Variants in IFIT1 observed in about 807,000 individuals in gnomAD.
IFIT1 encodes antiviral innate immune response effector IFIT1.
Under a neutral mutation model 2.5 loss-of-function variants are expected in IFIT1, and 1 was observed. That is an observed-to-expected ratio of 0.40 (90% CI 0.14 to 1.92). The LOEUF (loss-of-function observed/expected upper bound fraction) is 1.92, where lower values mean the gene tolerates loss of function less well. IFIT1 is among the 40% of genes most tolerant of loss of function. The pLI is 0.31. For missense variants in IFIT1, 508 were observed against 557.8 expected, an observed-to-expected ratio of 0.91 and a Z score of 0.90; for synonymous variants, 191 against 201.7, an observed-to-expected ratio of 0.95 and a Z score of 0.45.
In IFIT1 at chr10:89,402,298, A is replaced by G. The variant is rs1162893593; in HGVS notation, c.23A>G (p.His8Arg). Reference sequence around the variant, plus strand: ...TTTTACAGTACAAATGGTGATGATCATCAGGTCAAGGATAGTCTGGAGCAA... The same window carrying G: ...TTTTACAGTACAAATGGTGATGATCGTCAGGTCAAGGATAGTCTGGAGCAA... MSTNGDDHQVKDSLEQLR... is the reference protein window; with the variant it reads MSTNGDDRQVKDSLEQLR... Residue 8 changes from histidine to arginine, a missense_variant, in exon 2 of 2, where the codon CAT (histidine) becomes CGT (arginine). Physicochemically the swap from His to Arg is conservative, Grantham distance 29. Coordinates refer to ENST00000371804, the MANE Select transcript of IFIT1 (RefSeq NM_001548.5). 1 of 1,609,930 alleles carries G rather than the reference A, an allele frequency of 6.2e-7. No individual in the cohort carries two copies. The highest frequency in any genetic ancestry group is 1.7e-5 in the Admixed American group (1 of 59,350).
chr10:89,401,602 TG>T (rs1041255767), intron 1 of IFIT1, among the ~76,000 whole-genome samples: 4 of 151,982 alleles, frequency 2.6e-5, no homozygotes, highest in African/African-American at 9.7e-5. Context: ...TAGGCTTACG[TG>T]AAAAAAATGA....
rs529630938 is a variant in IFIT1 at position 89,405,886 on chromosome 10, T to C, written c.*2174T>C. On this transcript the variant is annotated 3_prime_UTR_variant, in exon 2 of 2. Coordinates refer to ENST00000371804, the MANE Select transcript of IFIT1 (RefSeq NM_001548.5). ...CAGGTTCTGGAGACTTGGCCATGGA[T>C]ACGATTGCGGGGGGGGCATTATTCT... 6.6e-6 allele frequency: 1 copy of C among 152,014 alleles called. No individual in the cohort carries two copies. Among genetic ancestry groups the C allele is most frequent in the South Asian group, 2.1e-4 (1 of 4,826 alleles). 9.4% of individuals were successfully genotyped at this position (152,014 alleles called of 1,614,324 possible). A position where few individuals can be genotyped will look rare whatever the true frequency, so the allele number is the denominator to read the frequency against.
At position 89,402,930 on chromosome 10, in the gene IFIT1, A is replaced by G. The variant is rs566629851; in HGVS notation, c.655A>G (p.Ile219Val). The stretch of plus-strand genomic sequence containing the variant: ...CCGCTTAAATCCAGACAATGGATAT[A>G]TTAAGGTTCTCCTTGCCCTGAAGCT... ...AVRLNPDNGY[I>V]KVLLALKLQD... The change falls in exon 2 of 2, where the codon ATT becomes GTT. Residue 219 changes from isoleucine to valine, a missense_variant. Transcript: ENST00000371804. 1.4e-5 allele frequency: 23 copies of G among 1,614,202 alleles called. No individual in the cohort carries two copies. The highest frequency in any genetic ancestry group is 5.3e-5 in the African/African-American group (4 of 75,058).
At chr10:89,393,520 G>A (rs1008337936) in intron 1 of IFIT1, among the ~76,000 whole-genome samples, 2 of 152,220 alleles carry the variant, frequency 1.3e-5, no homozygotes, top group African/African-American at 4.8e-5. Context: ...ATCGCCTGAG[G>A]TCAGGAGTTG....
At chr10:89,393,405 G>C in intron 1 of IFIT1, 1 of 803,064 alleles carries the variant, frequency 1.2e-6, no homozygotes, top group South Asian at 1.8e-5. Context: ...CTTACCTAAA[G>C]GGCCTAATGT....
Position 89,394,577 on chromosome 10 carries a change from AATATATATATATAT to A in IFIT1, c.5+1898_5+1911del, listed in dbSNP as rs200060906. Among the ~76,000 whole-genome samples, 320 of 108,732 alleles carry A rather than the reference AATATATATATATAT, an allele frequency of 2.9e-3. 2 individuals are homozygous for A. The highest frequency in any genetic ancestry group is 4.1e-3 in the Non-Finnish European group (228 of 55,668). 71.3% of individuals were successfully genotyped at this position (108,732 alleles called of 152,430 possible). A position where few individuals can be genotyped will look rare whatever the true frequency, so the allele number is the denominator to read the frequency against. ...TTTATGTCAATATGTACTACAGGAA[AATATATATATATAT>A]ATATATATATATATATATATATATA... On this transcript the variant is annotated intron_variant, in intron 1 of 1. Coordinates refer to ENST00000371804, the MANE Select transcript of IFIT1 (RefSeq NM_001548.5).
At chr10:89,394,584 A>ATATATATATATATATTT (rs1844307437) in intron 1 of IFIT1, among the ~76,000 whole-genome samples, 1 of 17,778 alleles carries the variant, frequency 5.6e-5, no homozygotes, top group African/African-American at 3.2e-4. Flanking sequence ...GAAAATATAT[A>ATATATATATATATATTT]TATATATATA....
At chr10:89,393,334 G>C in intron 1 of IFIT1, 10 of 1,278,890 alleles carry the variant, frequency 7.8e-6, no homozygotes, top group Non-Finnish European at 1.0e-5. Context: ...GGAAAATCTA[G>C]GCTCTTGGTA....
rs1844483533 is a variant in IFIT1, at chr10:89,403,799, CATT to C, written c.*90_*92del. The C allele has an allele frequency of 4.2e-6, 3 of 722,298 alleles. No homozygotes were observed. The highest frequency in any genetic ancestry group is 6.8e-6 in the Non-Finnish European group (3 of 439,684). The allele number at this position is 722,298 out of a possible 1,614,324, so 44.7% of individuals were successfully genotyped here. A position where few individuals can be genotyped will look rare whatever the true frequency, so the allele number is the denominator to read the frequency against. On this transcript the variant is annotated 3_prime_UTR_variant, in exon 2 of 2. Coordinates refer to ENST00000371804, the MANE Select transcript of IFIT1 (RefSeq NM_001548.5). ...CTTTTCTGCTTACTGTTTTCAGAAACATTATAATTCACTGTAATGATGTAATTC... is the reference window on the plus strand; with the variant it reads ...CTTTTCTGCTTACTGTTTTCAGAAACATAATTCACTGTAATGATGTAATTC...
In IFIT1 at chr10:89,402,308, G is replaced by C; in HGVS notation, c.33G>C (p.Lys11Asn). The change falls in exon 2 of 2, where the codon AAG becomes AAC. Residue 11 changes from lysine (K) to asparagine (N), a missense_variant. By Grantham distance (94) the Lys-to-Asn change is moderately conservative. Coordinates refer to ENST00000371804, the MANE Select transcript of IFIT1 (RefSeq NM_001548.5). Reference sequence around the variant, plus strand: ...CAAATGGTGATGATCATCAGGTCAAGGATAGTCTGGAGCAATTGAGATGTC... The same window carrying C: ...CAAATGGTGATGATCATCAGGTCAACGATAGTCTGGAGCAATTGAGATGTC... MSTNGDDHQV[K>N]DSLEQLRCHF... 4 of 1,613,216 alleles carry C rather than the reference G, an allele frequency of 2.5e-6. No individual in the cohort carries two copies. Among genetic ancestry groups the C allele is most frequent in the Non-Finnish European group, 3.4e-6 (4 of 1,179,388 alleles).
chr10:89,405,969 C>A lies in IFIT1; in HGVS notation c.*2257C>A, dbSNP rs1305399306. The A allele has an allele frequency of 6.6e-6, 1 of 152,118 alleles. No individual in the cohort carries two copies. Among genetic ancestry groups the A allele is most frequent in the Non-Finnish European group, 1.5e-5 (1 of 68,014 alleles). 9.4% of individuals were successfully genotyped at this position (152,118 alleles called of 1,614,324 possible). ...TTTGGGCTTCCAATCCATTTTGCTTCAATTATTTAATATTTTTACTCCTTC... is the reference window on the plus strand; with the variant it reads ...TTTGGGCTTCCAATCCATTTTGCTTAAATTATTTAATATTTTTACTCCTTC... On this transcript the variant is annotated 3_prime_UTR_variant, in exon 2 of 2. Coordinates refer to ENST00000371804, the MANE Select transcript of IFIT1 (RefSeq NM_001548.5).
Position 89,406,046 on chromosome 10 carries a change from T to C in IFIT1, c.*2334T>C, listed in dbSNP as rs1844525762. The C allele has an allele frequency of 6.6e-6, 1 of 152,258 alleles. No homozygotes were observed. Among genetic ancestry groups the C allele is most frequent in the African/African-American group, 2.4e-5 (1 of 41,460 alleles). The allele number at this position is 152,258 out of a possible 1,614,324, so 9.4% of individuals were successfully genotyped here. On this transcript the variant is annotated 3_prime_UTR_variant, in exon 2 of 2. Transcript: ENST00000371804. ...CCTTAAGAAGGTAGGACAGAGATTA[T>C]GGCACATCTCACATTAAATGCTATA...
Position 89,403,601 on chromosome 10 carries a change from CCTT to C in IFIT1, c.1327_1329del (p.Leu443del). ...CATTAGATCTGGAAAGCTTGAGCCT[CCTT>C]GGGTTCGTCTACAAATTGGAAGGAA... On this transcript the variant is annotated inframe_deletion, in exon 2 of 2. Transcript: ENST00000371804. The C allele has an allele frequency of 6.2e-7, 1 of 1,614,038 alleles. No homozygotes were observed. Among genetic ancestry groups the C allele is most frequent in the African/African-American group, 1.3e-5 (1 of 75,034 alleles).
At chr10:89,396,888 G>T (rs1166224148) in intron 1 of IFIT1, among the ~76,000 whole-genome samples, 1 of 152,126 alleles carries the variant, frequency 6.6e-6, no homozygotes. Flanking sequence ...TTGGAGAATT[G>T]TCTACTCAAG....
At position 89,403,448 on chromosome 10, in the gene IFIT1, A is replaced by G. The variant is rs567346992; in HGVS notation, c.1173A>G (p.Gln391=). 5 of 1,613,882 alleles carry G rather than the reference A, an allele frequency of 3.1e-6. No homozygotes were observed. The African/African-American group carries it at 4.0e-5, about 13-fold the overall frequency. Residue 391 remains glutamine (Q), a synonymous_variant, in exon 2 of 2, where the codon CAA becomes CAG. Coordinates refer to ENST00000371804, the MANE Select transcript of IFIT1 (RefSeq NM_001548.5). ...HFHYGRFQEF[Q]KKSDVNAIIH... is the part of the protein sequence containing the mutation. ...ACTATGGTCGGTTTCAGGAATTTCAAAAGAAATCTGACGTCAATGCAATTA... is the reference window on the plus strand; with the variant it reads ...ACTATGGTCGGTTTCAGGAATTTCAGAAGAAATCTGACGTCAATGCAATTA...
At chr10:89,392,793 G>A in intron 1 of IFIT1, 76 bp downstream of exon 1, 1 of 1,479,886 alleles carries the variant, frequency 6.8e-7, no homozygotes, top group Non-Finnish European at 9.4e-7. Flanking sequence ...ATTTCAACAG[G>A]TTAGATCTCA....
At chr10:89,396,547 C>T (rs1294639971) in intron 1 of IFIT1, among the ~76,000 whole-genome samples, 1 of 152,176 alleles carries the variant, frequency 6.6e-6, no homozygotes, top group Non-Finnish European at 1.5e-5. Context: ...TCCAGTCTCA[C>T]AAGAATGAGA....
At position 89,392,723 on chromosome 10, in the gene IFIT1, G is replaced by T; in HGVS notation, c.5+6G>T. The T allele has an allele frequency of 6.2e-7, 1 of 1,613,968 alleles. No homozygotes were observed. The highest frequency in any genetic ancestry group is 8.5e-7 in the Non-Finnish European group (1 of 1,179,896). ...TAATTTACAGCAACCATGAGGTAAG[G>T]ATTTCTTTGCTCCTCTGCCATAATG... On this transcript the variant is annotated splice_donor_region_variant and intron_variant, in intron 1 of 1. Coordinates refer to ENST00000371804, the MANE Select transcript of IFIT1 (RefSeq NM_001548.5).
intron 1 of IFIT1, among the ~76,000 whole-genome samples, chr10:89,392,932 T>G (rs886921258): frequency 1.3e-5 from 2 of 152,190 alleles, no homozygotes; most frequent in Admixed American, 1.3e-4. Context: ...AGCATGAACT[T>G]GAGGAAGCTT....
Sources: allele counts gnomAD v4.1 joint callset (sites outside exome capture counted in the v4.1 genomes callset), GRCh38; gene constraint gnomAD v4.1.1; transcripts MANE v1.5; gene names NCBI Gene and HGNC (gene_info 2026-07-23, HGNC 2026-07-21).